NF2: variants seen among roughly 807,000 people sequenced by gnomAD.
NF2 encodes the protein merlin.
Under a neutral mutation model 83.7 loss-of-function variants are expected in NF2, and 8 were observed. The observed-to-expected ratio is 0.10, with a 90% CI of 0.06 to 0.17. The LOEUF is 0.17. NF2 is among the 10% of genes least tolerant of loss of function. The pLI, the probability that NF2 is intolerant of heterozygous loss-of-function variation, is 1.00. For synonymous variants in NF2, 266 were observed against 269.6 expected (o/e 0.99, Z 0.13); for missense variants, 533 against 744.4 (o/e 0.72, Z 3.31).
chr22:29,631,121 G>C (rs192411039), intron 1 of NF2, among the ~76,000 whole-genome samples: 2 of 152,298 alleles, frequency 1.3e-5, no homozygotes, highest in African/African-American at 4.8e-5. Context: ...GGCTGAAGCT[G>C]CATATTCAGT....
chr22:29,606,341 C>G (rs1216406311), intron 1 of NF2, among the ~76,000 whole-genome samples: 2 of 152,174 alleles, frequency 1.3e-5, no homozygotes, highest in African/African-American at 4.8e-5. Context: ...TACTGGTGCC[C>G]CAATTGCTCA....
intron 10 of NF2, among the ~76,000 whole-genome samples, chr22:29,670,942 G>A (rs1431728324): frequency 6.6e-6 from 1 of 152,120 alleles, no homozygotes; most frequent in Non-Finnish European, 1.5e-5. Flanking sequence ...TCCCCCCTGT[G>A]AAATACAATG....
At chr22:29,637,996 T>TAG (rs1348413608) in intron 2 of NF2, among the ~76,000 whole-genome samples, 1 of 152,208 alleles carries the variant, frequency 6.6e-6, no homozygotes, top group Non-Finnish European at 1.5e-5. Flanking sequence ...ATTTTAATGA[T>TAG]AGCTGAGTGT....
intron 1 of NF2, among the ~76,000 whole-genome samples, chr22:29,612,195 A>AG (rs948544254): frequency 1.3e-5 from 2 of 152,030 alleles, no homozygotes; most frequent in African/African-American, 4.8e-5. Context: ...TTTAGTATAG[A>AG]GGGGGTTTCA....
intron 1 of NF2, among the ~76,000 whole-genome samples, chr22:29,635,813 C>T (rs1298786266): frequency 6.6e-6 from 1 of 152,092 alleles, no homozygotes; most frequent in East Asian, 1.9e-4. Context: ...CTCATATGAT[C>T]CTAATGCACT....
At chr22:29,667,124 C>T (rs2147045305) in intron 9 of NF2, among the ~76,000 whole-genome samples, 1 of 152,222 alleles carries the variant, frequency 6.6e-6, no homozygotes, top group Admixed American at 6.5e-5. Context: ...TTTACAGACC[C>T]AACAGTAGTG....
At chr22:29,674,151 A>G (rs2066891724) in intron 12 of NF2, among the ~76,000 whole-genome samples, 1 of 152,236 alleles carries the variant, frequency 6.6e-6, no homozygotes, top group African/African-American at 2.4e-5. Context: ...TGCATTCACT[A>G]CAGTTTTCCT....
intron 10 of NF2, among the ~76,000 whole-genome samples, chr22:29,669,107 C>A (rs573327844): frequency 7.2e-5 from 11 of 152,252 alleles, no homozygotes; most frequent in African/African-American, 2.4e-4. Context: ...TGGCTGCCCG[C>A]AGGACTTGCA....
chr22:29,629,910 C>T (rs942538509), intron 1 of NF2, among the ~76,000 whole-genome samples: 4 of 152,158 alleles, frequency 2.6e-5, no homozygotes, highest in Non-Finnish European at 5.9e-5. Flanking sequence ...GTTCTAATAC[C>T]TAGGCATTTC....
chr22:29,663,853 G>A (rs577187491), intron 8 of NF2, among the ~76,000 whole-genome samples: 4 of 152,236 alleles, frequency 2.6e-5, no homozygotes, highest in Admixed American at 6.5e-5. Context: ...TGGTCTTATC[G>A]GGAGTGGTTG....
At chr22:29,622,576 A>G (rs2065240327) in intron 1 of NF2, among the ~76,000 whole-genome samples, 1 of 151,372 alleles carries the variant, frequency 6.6e-6, no homozygotes, top group South Asian at 2.1e-4. Flanking sequence ...AACTGTTCAG[A>G]CGACATTGTT....
intron 3 of NF2, among the ~76,000 whole-genome samples, chr22:29,640,894 G>A (rs2065789731): frequency 2.6e-5 from 4 of 152,156 alleles, no homozygotes; most frequent in South Asian, 2.1e-4. Flanking sequence ...AGCAATTTGG[G>A]AGGCCGAGGC....
At chr22:29,692,936 A>G (rs1236603603) in intron 15 of NF2, among the ~76,000 whole-genome samples, 1 of 152,122 alleles carries the variant, frequency 6.6e-6, no homozygotes, top group Non-Finnish European at 1.5e-5. Context: ...GAGGGGAGCA[A>G]GTGACCTGCC....
At chr22:29,608,034 G>A (rs549131285) in intron 1 of NF2, among the ~76,000 whole-genome samples, 33 of 151,116 alleles carry the variant, frequency 2.2e-4, no homozygotes, top group Admixed American at 7.3e-4. Context: ...TTAGCCAGGC[G>A]TGGTGGCCGG....
At position 29,681,525 on chromosome 22, in the gene NF2, G is replaced by A. The variant is rs2067134618; in HGVS notation, c.1661G>A (p.Arg554Lys). Residue 554 changes from arginine to lysine, a missense_variant, in exon 15 of 16, where the codon AGG (arginine) becomes AAG (lysine). Around this residue, in one of 3 missense-constraint regions of NF2, gnomAD observed 199 missense variants for 240.7 expected, o/e 0.83. Coordinates refer to ENST00000338641, the MANE Select transcript of NF2 (RefSeq NM_000268.4). ...TEIEALKLKE[R>K]ETALDILHNE... ...ATCGAGGCCTTGAAACTGAAAGAGA[G>A]GGAGACAGCTCTGGATATTCTGCAC... 2 of 1,614,198 alleles carry A rather than the reference G, an allele frequency of 1.2e-6. No homozygotes were observed. The highest frequency in any genetic ancestry group is 1.1e-5 in the South Asian group (1 of 91,086).
chr22:29,691,741 C>T (rs556077303), intron 15 of NF2, among the ~76,000 whole-genome samples: 2 of 152,224 alleles, frequency 1.3e-5, no homozygotes, highest in Admixed American at 1.3e-4. Flanking sequence ...CCAGGCAGGG[C>T]GTGCAGGTGG....
At chr22:29,628,585 G>T (rs2065429068) in intron 1 of NF2, among the ~76,000 whole-genome samples, 1 of 147,724 alleles carries the variant, frequency 6.8e-6, no homozygotes, top group Non-Finnish European at 1.5e-5. Context: ...AGAGATTACA[G>T]TTGGGATTTT....
intron 15 of NF2, among the ~76,000 whole-genome samples, chr22:29,687,582 G>A (rs1040707327): frequency 2.6e-5 from 4 of 152,182 alleles, no homozygotes; most frequent in Non-Finnish European, 5.9e-5. Flanking sequence ...CCCTGAAGAT[G>A]GCTCCTAAAT....
chr22:29,649,992 C>T (rs763600247), intron 4 of NF2, among the ~76,000 whole-genome samples: 72 of 151,904 alleles, frequency 4.7e-4, no homozygotes, highest in Non-Finnish European at 1.3e-4. Context: ...TCAGGTACCA[C>T]ACAAATATAT....
Sources: gnomAD v4.1 joint callset for allele counts (sites outside exome capture counted in the v4.1 genomes callset) on GRCh38, gnomAD v4.1.1 for gene constraint, gnomAD v4.1.1 regional missense constraint, MANE v1.5 for transcripts, NCBI Gene and HGNC (gene_info 2026-07-23, HGNC 2026-07-21) for gene names.